BCAS1: variants seen among roughly 807,000 people sequenced by gnomAD.
The protein encoded by BCAS1 is brain enriched myelin associated protein 1.
Under a neutral mutation model 65.4 loss-of-function variants are expected in BCAS1, and 46 were observed. That is an observed-to-expected ratio of 0.70 (90% CI 0.55 to 0.90). The LOEUF (loss-of-function observed/expected upper bound fraction) is 0.90. Ranked by LOEUF, BCAS1 falls within the 40% of genes least tolerant of loss-of-function variation. The pLI is 0.00. For missense variants in BCAS1, 793 were observed against 771.2 expected (o/e 1.03, Z -0.33); for synonymous variants, 298 against 293.5 (o/e 1.02, Z -0.16).
intron 3 of BCAS1, among the ~76,000 whole-genome samples, chr20:54,053,155 A>G (rs1601008915): frequency 6.6e-6 from 1 of 152,238 alleles, no homozygotes; most frequent in Non-Finnish European, 1.5e-5. Context: ...GGACACTCAA[A>G]TAACATCTAA....
At chr20:54,006,722 A>C (rs1201783156) in intron 4 of BCAS1, among the ~76,000 whole-genome samples, 2 of 152,072 alleles carry the variant, frequency 1.3e-5, no homozygotes, top group Non-Finnish European at 2.9e-5. Flanking sequence ...AAAAAAAAAA[A>C]AAAAAGTTGG....
intron 10 of BCAS1, among the ~76,000 whole-genome samples, chr20:53,958,242 AG>A (rs1489465312): frequency 6.6e-6 from 1 of 152,202 alleles, no homozygotes; most frequent in Non-Finnish European, 1.5e-5. Context: ...GGCCATATAC[AG>A]GTTCAGACTC....
chr20:54,007,108 A>C (rs1453418373), intron 4 of BCAS1, among the ~76,000 whole-genome samples: 1 of 152,138 alleles, frequency 6.6e-6, no homozygotes, highest in African/African-American at 2.4e-5. Context: ...CACTGCTCTG[A>C]GCTACTCCGG....
At chr20:54,000,874 A>C (rs2091039299) in intron 4 of BCAS1, among the ~76,000 whole-genome samples, 1 of 152,196 alleles carries the variant, frequency 6.6e-6, no homozygotes, top group African/African-American at 2.4e-5. Context: ...TTAACTTTCC[A>C]AACATATGAG....
chr20:53,953,460 T>G lies in BCAS1; in HGVS notation c.1787A>C (p.Gln596Pro). 1.2e-6 allele frequency: 2 copies of G among 1,614,118 alleles called. No individual in the cohort carries two copies. Among genetic ancestry groups the G allele is most frequent in the Non-Finnish European group, 1.7e-6 (2 of 1,180,016 alleles). ...KLQKRPEKRQ[Q>P]SLGGFFKGLG... ...GCCTTTAAAGAAGCCCCCAAGGGAC[T>G]GCTGCCGCTTCTCAGGTCTCTTTTG... Residue 596 changes from glutamine to proline, a missense_variant, in exon 12 of 13, where the codon CAG becomes CCG. Coordinates refer to ENST00000688948, the MANE Select transcript of BCAS1 (RefSeq NM_001366298.2).
At chr20:54,019,688 A>C (rs1027333070) in intron 4 of BCAS1, among the ~76,000 whole-genome samples, 9 of 152,216 alleles carry the variant, frequency 5.9e-5, no homozygotes, top group Admixed American at 1.3e-4. Context: ...AGAACAAAGC[A>C]GGTGGAAGAA....
Position 53,944,006 on chromosome 20 carries a change from G to A in BCAS1, c.*916C>T, listed in dbSNP as rs1254354211. The A allele has an allele frequency of 6.6e-6, 1 of 151,362 alleles. No individual in the cohort carries two copies. The highest frequency in any genetic ancestry group is 1.5e-5 in the Non-Finnish European group (1 of 67,942). The allele number at this position is 151,362 out of a possible 1,614,324, so 9.4% of individuals were successfully genotyped here. ...TTGTAATCTTTGCCGTTGTCACTGA[G>A]CCTCAAAAGCAATTGTTTTCCCAAA... is the stretch of plus-strand genomic sequence containing the variant. On this transcript the variant is annotated 3_prime_UTR_variant, in exon 13 of 13. Coordinates refer to ENST00000688948, the MANE Select transcript of BCAS1 (RefSeq NM_001366298.2).
chr20:54,032,445 T>C (rs1305519149), intron 3 of BCAS1, among the ~76,000 whole-genome samples: 1 of 151,282 alleles, frequency 6.6e-6, no homozygotes, highest in Non-Finnish European at 1.5e-5. Context: ...GCCAACATCA[T>C]GATGACGGTA....
intron 2 of BCAS1, among the ~76,000 whole-genome samples, chr20:54,058,414 G>A (rs929687268): frequency 6.6e-6 from 1 of 152,014 alleles, no homozygotes; most frequent in Non-Finnish European, 1.5e-5. Context: ...GCTCTGACCC[G>A]TCGCACGGAG....
intron 4 of BCAS1, 175 bp downstream of exon 4, chr20:54,028,217 T>C (rs2091718083): frequency 4.5e-6 from 3 of 667,130 alleles, no homozygotes; most frequent in Admixed American, 2.5e-5. Flanking sequence ...CAGAAGTTTC[T>C]ACCCAGAGAA....
At chr20:53,998,645 A>G (rs1357814510) in intron 4 of BCAS1, among the ~76,000 whole-genome samples, 1 of 152,256 alleles carries the variant, frequency 6.6e-6, no homozygotes, top group Non-Finnish European at 1.5e-5. Context: ...ATAGGGGATT[A>G]CAATTCAACA....
intron 4 of BCAS1, among the ~76,000 whole-genome samples, chr20:54,015,659 T>A (rs930332498): frequency 9.9e-5 from 15 of 152,210 alleles, no homozygotes; most frequent in Admixed American, 9.8e-4. Flanking sequence ...TAAGTATATT[T>A]AAAAAGTTGT....
intron 4 of BCAS1, among the ~76,000 whole-genome samples, chr20:54,001,032 AT>A (rs1378992447): frequency 6.6e-5 from 10 of 152,124 alleles, no homozygotes. Context: ...CATGTCAGAC[AT>A]TGTGAATCTT....
intron 9 of BCAS1, 92 bp from the exon 10 acceptor site, chr20:53,967,165 C>T: frequency 7.7e-7 from 1 of 1,294,512 alleles, no homozygotes; most frequent in Non-Finnish European, 1.1e-6. Flanking sequence ...GCCCCCCTGT[C>T]CACATAGTAG....
At chr20:53,978,641 C>T (rs1329382668) in intron 8 of BCAS1, among the ~76,000 whole-genome samples, 1 of 152,190 alleles carries the variant, frequency 6.6e-6, no homozygotes, top group Non-Finnish European at 1.5e-5. Flanking sequence ...CCAAGAGTCA[C>T]TCTAAATAAT....
At chr20:54,070,314 G>A in intron 1 of BCAS1, 119 bp downstream of exon 1, 1 of 152,274 alleles carries the variant, frequency 6.6e-6, no homozygotes, top group East Asian at 1.9e-4. Context: ...GCCACACAGT[G>A]AACAGAAGGC....
intron 5 of BCAS1, among the ~76,000 whole-genome samples, 199 bp from the exon 6 acceptor site, chr20:53,995,255 T>C (rs541020066): frequency 2.6e-5 from 4 of 152,344 alleles, no homozygotes; most frequent in East Asian, 1.9e-4. Flanking sequence ...TATAATGAGA[T>C]ACATCTGATC....
intron 4 of BCAS1, 106 bp downstream of exon 4, chr20:54,028,285 GC>G (rs1398371748): frequency 1.8e-6 from 2 of 1,133,866 alleles, no homozygotes; most frequent in Non-Finnish European, 2.7e-6. Flanking sequence ...TCAACAGCTT[GC>G]CACCTTGCCT....
intron 4 of BCAS1, among the ~76,000 whole-genome samples, chr20:54,025,340 A>G (rs961599297): frequency 6.6e-6 from 1 of 152,148 alleles, no homozygotes; most frequent in Non-Finnish European, 1.5e-5. Flanking sequence ...GAGAGGAAAA[A>G]AACCTCATCC....
Sources: gnomAD v4.1 joint callset for allele counts (sites outside exome capture counted in the v4.1 genomes callset) on GRCh38, gnomAD v4.1.1 for gene constraint, MANE v1.5 for transcripts, NCBI Gene and HGNC (gene_info 2026-07-23, HGNC 2026-07-21) for gene names.